Variants in ANKRD17 observed in about 807,000 individuals in gnomAD.
The protein encoded by ANKRD17 is ankyrin repeat domain-containing protein 17.
Under a neutral mutation model 229.7 loss-of-function variants are expected in ANKRD17, and 19 were observed. That is an observed-to-expected ratio of 0.08 (90% CI 0.06 to 0.12). The LOEUF is 0.12. ANKRD17 is among the 10% of genes least tolerant of loss of function. The pLI is 1.00. For synonymous variants in ANKRD17, 1,112 were observed against 1,146.1 expected (o/e 0.97, Z 0.60); for missense variants, 2,176 against 3,176.8 (o/e 0.68, Z 7.57).
intron 15 of ANKRD17, 124 bp from the exon 16 acceptor site, chr4:73,135,389 A>C: frequency 1.2e-6 from 1 of 804,310 alleles, no homozygotes; most frequent in Non-Finnish European, 1.8e-6. Context: ...CTACTATAGC[A>C]CTAATAACTA....
rs1192164276 is a variant in ANKRD17, at chr4:73,179,518, A to ATATATT, written c.394-1986_394-1985insAATATA. Among the ~76,000 whole-genome samples, 271 of 40,760 alleles carry ATATATT rather than the reference A, an allele frequency of 6.6e-3. 10 individuals are homozygous for ATATATT. Among genetic ancestry groups the ATATATT allele is most frequent in the African/African-American group, 0.023 (248 of 10,848 alleles). 26.7% of individuals were successfully genotyped at this position (40,760 alleles called of 152,430 possible). On this transcript the variant is annotated intron_variant, in intron 1 of 33. Coordinates refer to ENST00000358602, the MANE Select transcript of ANKRD17 (RefSeq NM_032217.5). Reference sequence around the variant, plus strand: ...TATATATATATATATATATATATATATTTTTTTTTTTTTTTTTAAAGAGAC... The same window carrying ATATATT: ...TATATATATATATATATATATATATATATATTTTTTTTTTTTTTTTTTTAAAGAGAC...
At chr4:73,205,452 C>G (rs1739317588) in intron 1 of ANKRD17, among the ~76,000 whole-genome samples, 2 of 152,116 alleles carry the variant, frequency 1.3e-5, no homozygotes, top group African/African-American at 4.8e-5. Context: ...ATTTTATGGT[C>G]AATTGATTTT....
intron 2 of ANKRD17, among the ~76,000 whole-genome samples, chr4:73,172,101 AAAG>A (rs1734117071): frequency 6.6e-6 from 1 of 152,194 alleles, no homozygotes; most frequent in African/African-American, 2.4e-5. Flanking sequence ...GATTTAACCC[AAAG>A]AAGACTACCC....
chr4:73,136,818 G>C lies in ANKRD17; in HGVS notation c.3086-1553C>G, dbSNP rs142587494. Among the ~76,000 whole-genome samples, 936 of 151,908 alleles carry C rather than the reference G, an allele frequency of 6.2e-3. 11 individuals are homozygous for C. Among genetic ancestry groups the C allele is most frequent in the African/African-American group, 0.019 (777 of 41,462 alleles). ...ACAATAAAACTGCTAAATACAAAAA[G>C]TAGCTTAAACAGGATGAACACCAGT... On this transcript the variant is annotated intron_variant, in intron 15 of 33. Coordinates refer to ENST00000358602, the MANE Select transcript of ANKRD17 (RefSeq NM_032217.5).
In ANKRD17 at chr4:73,091,664, A is replaced by G. The variant is rs1283063428; in HGVS notation, c.5964T>C (p.Ser1988=). The G allele has an allele frequency of 1.2e-6, 2 of 1,614,086 alleles. No homozygotes were observed. The highest frequency in any genetic ancestry group is 1.7e-6 in the Non-Finnish European group (2 of 1,180,042). ...STVPGTSTNG[S]PSSPSVRRQL... ...GCCTTCGGACAGAAGGTGAACTTGG[A>G]CTGCCATTTGTAGATGTACCAGGCA... The change falls in exon 29 of 34, where the codon AGT becomes AGC. Residue 1988 remains serine (S), a synonymous_variant. Coordinates refer to ENST00000358602, the MANE Select transcript of ANKRD17 (RefSeq NM_032217.5).
At chr4:73,093,274 G>C (rs1018131365) in intron 28 of ANKRD17, among the ~76,000 whole-genome samples, 2 of 151,136 alleles carry the variant, frequency 1.3e-5, no homozygotes, top group Non-Finnish European at 2.9e-5. Flanking sequence ...TGATTTCTTA[G>C]AACATCACTT....
intron 2 of ANKRD17, among the ~76,000 whole-genome samples, chr4:73,176,882 C>T (rs1734803594): frequency 6.6e-6 from 1 of 152,034 alleles, no homozygotes; most frequent in Non-Finnish European, 1.5e-5. Context: ...AAAATTAACA[C>T]CAACAAAAAT....
chr4:73,155,900 TA>T, intron 4 of ANKRD17, 118 bp downstream of exon 4: 1 of 1,475,288 alleles, frequency 6.8e-7, no homozygotes, highest in Non-Finnish European at 9.1e-7. Flanking sequence ...AAAATTTATC[TA>T]ACAAAACTAT....
chr4:73,169,313 C>CAGTG (rs1336030893), intron 2 of ANKRD17, among the ~76,000 whole-genome samples: 4 of 152,152 alleles, frequency 2.6e-5, no homozygotes, highest in Non-Finnish European at 1.5e-5. Flanking sequence ...CCATTTTAAA[C>CAGTG]AGTGAGTGGG....
At chr4:73,207,394 T>C (rs1026986470) in intron 1 of ANKRD17, among the ~76,000 whole-genome samples, 1 of 152,096 alleles carries the variant, frequency 6.6e-6, no homozygotes, top group Non-Finnish European at 1.5e-5. Context: ...TGGGAAACAA[T>C]TAGCAAGATG....
intron 2 of ANKRD17, among the ~76,000 whole-genome samples, chr4:73,170,073 A>C (rs1000597001): frequency 1.3e-5 from 2 of 152,134 alleles, no homozygotes; most frequent in Non-Finnish European, 2.9e-5. Context: ...GATGGGGAGC[A>C]GGCAACTTCC....
intron 3 of ANKRD17, among the ~76,000 whole-genome samples, chr4:73,160,330 C>CCCTTA (rs1732352628): frequency 6.6e-6 from 1 of 151,504 alleles, no homozygotes; most frequent in Non-Finnish European, 1.5e-5. Context: ...GCGATTCTCC[C>CCCTTA]GCCTCAGCCT....
chr4:73,155,814 A>G (rs779713219), intron 4 of ANKRD17, 36 bp from the exon 5 acceptor site: 2 of 1,603,484 alleles, frequency 1.2e-6, no homozygotes, highest in South Asian at 1.1e-5. Context: ...AGATATTAGG[A>G]AATAATCGTC....
intron 1 of ANKRD17, among the ~76,000 whole-genome samples, chr4:73,242,143 A>G (rs1219555089): frequency 1.3e-5 from 2 of 152,168 alleles, no homozygotes; most frequent in Admixed American, 6.5e-5. Flanking sequence ...AACTCACGCA[A>G]TAAGAGAACA....
chr4:73,217,628 C>T (rs1210251535), intron 1 of ANKRD17, among the ~76,000 whole-genome samples: 3 of 152,006 alleles, frequency 2.0e-5, no homozygotes. Flanking sequence ...TCCCGAATTG[C>T]TGTGATTACA....
chr4:73,085,670 G>C lies in ANKRD17; in HGVS notation c.6962-224C>G, dbSNP rs1266396125. Among the ~76,000 whole-genome samples the C allele has an allele frequency of 4.1e-5, 6 of 146,596 alleles. No individual in the cohort carries two copies. The Admixed American group carries it at 4.1e-4, about 10-fold the overall frequency. The stretch of plus-strand genomic sequence containing the variant: ...TCAAGACTGGTCTGGGCAACACATC[G>C]AGACCCCACCTCAAAAAAAAAAAAA... On this transcript the variant is annotated intron_variant, in intron 29 of 33. Transcript: ENST00000358602.
Position 73,090,728 on chromosome 4 carries a change from A to G in ANKRD17, c.6900T>C (p.Ser2300=), listed in dbSNP as rs781264211. 5 of 1,614,110 alleles carry G rather than the reference A, an allele frequency of 3.1e-6. No homozygotes were observed. In the South Asian group the frequency reaches 4.4e-5, roughly 14 times the overall value. ...TAAAACCTGGAGCTTTGGAAGTATC[A>G]GACTGATGTAAAGGATCTGAATTTG... ...YLPNSDPLHQ[S]DTSKAPGFRP... The change falls in exon 29 of 34, where the codon TCT becomes TCC. Residue 2300 remains serine, a synonymous_variant. Coordinates refer to ENST00000358602, the MANE Select transcript of ANKRD17 (RefSeq NM_032217.5).
chr4:73,204,518 A>G lies in ANKRD17; in HGVS notation c.394-26985T>C, dbSNP rs145411633. Among the ~76,000 whole-genome samples the G allele has an allele frequency of 3.4e-3, 520 of 152,230 alleles. 10 individuals are homozygous for G. The highest frequency in any genetic ancestry group is 0.023 in the Admixed American group (350 of 15,296). On this transcript the variant is annotated intron_variant, in intron 1 of 33. Transcript: ENST00000358602. ...TTTGTTGCCAGCAGACAAGCACTAT[A>G]AAAAATTTTTTTAAAGTAAATTCTT...
intron 15 of ANKRD17, among the ~76,000 whole-genome samples, chr4:73,135,952 A>G (rs1056854491): frequency 6.6e-6 from 1 of 152,224 alleles, no homozygotes; most frequent in African/African-American, 2.4e-5. Context: ...AAATTAAAAG[A>G]TTAGGGTAGA....
Sources: allele counts gnomAD v4.1 joint callset (sites outside exome capture counted in the v4.1 genomes callset), GRCh38; gene constraint gnomAD v4.1.1; transcripts MANE v1.5; gene names NCBI Gene and HGNC (gene_info 2026-07-23, HGNC 2026-07-21).